MED13: variants seen among roughly 807,000 people sequenced by gnomAD.
The protein encoded by MED13 is mediator of RNA polymerase II transcription subunit 13.
MED13 carries 23 observed loss-of-function variants against 225.2 expected under a neutral mutation model. The observed-to-expected ratio is 0.10, with a 90% CI of 0.07 to 0.14. MED13 has a LOEUF of 0.14. Among genes scored for constraint, MED13 ranks in the 10% least tolerant of loss-of-function variants. The probability of loss-of-function intolerance (pLI) is 1.00; values close to 1 mark genes in which losing one functional copy is unlikely to be tolerated. For synonymous variants in MED13, 942 were observed against 889.2 expected, an observed-to-expected ratio of 1.06 and a Z score of -1.06; for missense variants, 2,197 against 2,594.5, an observed-to-expected ratio of 0.85 and a Z score of 3.33.
At chr17:62,059,705 A>C (rs1194003582) in intron 2 of MED13, among the ~76,000 whole-genome samples, 1 of 152,198 alleles carries the variant, frequency 6.6e-6, no homozygotes. Context: ...GAGGCAGACT[A>C]ATTACCCCAA....
chr17:62,052,428 A>T, intron 3 of MED13, 109 bp downstream of exon 3: 1 of 762,204 alleles, frequency 1.3e-6, no homozygotes, highest in Admixed American at 3.8e-5. Flanking sequence ...GTCACTGACA[A>T]CCTCTGGAAT....
chr17:61,983,167 AG>A lies in MED13; in HGVS notation c.2889-54del, dbSNP rs1278412529. ...AAATATATATATAAAGGAACATATT[AG>A]TAATGTGAAATACAACTAAAAACGT... On this transcript the variant is annotated intron_variant, in intron 15 of 29. Coordinates refer to ENST00000397786, the MANE Select transcript of MED13 (RefSeq NM_005121.3). 4 of 1,373,704 alleles carry A rather than the reference AG, an allele frequency of 2.9e-6. No individual in the cohort carries two copies. In the East Asian group the frequency reaches 1.0e-4, roughly 34 times the overall value. The allele number at this position is 1,373,704 out of a possible 1,614,324, so 85.1% of individuals were successfully genotyped here.
At chr17:62,049,326 T>C (rs539591630) in intron 3 of MED13, among the ~76,000 whole-genome samples, 3 of 152,208 alleles carry the variant, frequency 2.0e-5, no homozygotes, top group Non-Finnish European at 4.4e-5. Context: ...GATAGTCTAC[T>C]GATGAACTAC....
chr17:62,062,214 C>T (rs1258487940), intron 2 of MED13, among the ~76,000 whole-genome samples: 1 of 152,128 alleles, frequency 6.6e-6, no homozygotes, highest in East Asian at 1.9e-4. Context: ...GTCTTTGGAA[C>T]CTTATAGCAT....
At chr17:62,015,825 C>CTA (rs1555638985) in intron 8 of MED13, among the ~76,000 whole-genome samples, 5 of 89,280 alleles carry the variant, frequency 5.6e-5, no homozygotes, top group Middle Eastern at 6.0e-3. Flanking sequence ...TACATACACA[C>CTA]TATATATATA....
chr17:62,034,255 C>T (rs1170533736), intron 4 of MED13, among the ~76,000 whole-genome samples: 2 of 152,116 alleles, frequency 1.3e-5, no homozygotes, highest in East Asian at 3.9e-4. Context: ...GAGGCTGAGG[C>T]GGGTGGATCA....
Position 62,053,127 on chromosome 17 carries a change from G to C in MED13, c.302-422C>G, listed in dbSNP as rs113238706. 8.0e-4 allele frequency among the ~76,000 whole-genome samples: 122 copies of C among 152,218 alleles called. 5 individuals are homozygous for C. Among genetic ancestry groups the C allele is most frequent in the African/African-American group, 2.8e-3 (117 of 41,534 alleles). On this transcript the variant is annotated intron_variant, in intron 2 of 29. Transcript: ENST00000397786. ...TTCAACCTGCCAAAAAAACTAGCCA[G>C]TTAATAATTAAAGTCAAAACATTTC...
Position 61,962,963 on chromosome 17 carries a change from T to C in MED13, c.4853A>G (p.Asp1618Gly). Residue 1618 changes from aspartate (D) to glycine (G), a missense_variant, in exon 21 of 30, where the codon GAT becomes GGT. Asp to Gly is a moderately conservative substitution (Grantham distance 94, BLOSUM62 -1). Transcript: ENST00000397786. ...TGTGGGGATTCCCACTTTATCCCGA[T>C]CCATCGTGCTAAAATTTAAGGTAGA... is the stretch of plus-strand genomic sequence containing the variant. Reference protein sequence around the residue: ...PHPDVSESTMDRDKVGIPTDG... With the variant: ...PHPDVSESTMGRDKVGIPTDG... 1 of 1,613,796 alleles carries C rather than the reference T, an allele frequency of 6.2e-7. No individual in the cohort carries two copies. The highest frequency in any genetic ancestry group is 8.5e-7 in the Non-Finnish European group (1 of 1,179,942).
Position 61,953,112 on chromosome 17 carries a change from A to C in MED13, c.5970T>G (p.Asp1990Glu). 6.2e-7 allele frequency: 1 copy of C among 1,610,998 alleles called. No individual in the cohort carries two copies. Among genetic ancestry groups the C allele is most frequent in the Non-Finnish European group, 8.5e-7 (1 of 1,179,192 alleles). The change falls in exon 27 of 30, where the codon GAT becomes GAG. Residue 1990 changes from aspartate to glutamate, a missense_variant and splice_region_variant. By Grantham distance (45) the Asp-to-Glu change is conservative (BLOSUM62 2). Around this residue, in one of 12 missense-constraint regions of MED13, gnomAD observed 216 missense variants for 388.9 expected, o/e 0.56. Coordinates refer to ENST00000397786, the MANE Select transcript of MED13 (RefSeq NM_005121.3). Reference protein sequence around the residue: ...NLDLAFNPNNDGADGMGIFDL... With the variant: ...NLDLAFNPNNEGADGMGIFDL... ...CAAAGATACCCATTCCATCTGCTCC[A>C]TCTAAACAGGAGAAAGAAAAGAAAT...
Position 61,967,867 on chromosome 17 carries a change from C to T in MED13, c.4191+168G>A, listed in dbSNP as rs553103979. Among the ~76,000 whole-genome samples the T allele has an allele frequency of 2.0e-3, 306 of 152,272 alleles. 2 individuals carry two copies. Among genetic ancestry groups the T allele is most frequent in the Non-Finnish European group, 3.7e-3 (250 of 68,006 alleles). On this transcript the variant is annotated intron_variant, in intron 18 of 29. Transcript: ENST00000397786. ...TCTGACCCACGGCATACACATCTAA[C>T]AGACTGGGTCAAACTCAGCAAAGAA...
At chr17:61,960,639 A>G (rs2143339883) in intron 23 of MED13, among the ~76,000 whole-genome samples, 1 of 152,332 alleles carries the variant, frequency 6.6e-6, no homozygotes, top group African/African-American at 2.4e-5. Context: ...CACAGAAGTT[A>G]GTGACCTTAA....
intron 9 of MED13, among the ~76,000 whole-genome samples, chr17:62,008,914 GA>G (rs1387610073): frequency 1.3e-5 from 2 of 151,578 alleles, no homozygotes; most frequent in African/African-American, 4.8e-5. Context: ...CTGATGTTGA[GA>G]AAAAAAGCTA....
Position 61,955,966 on chromosome 17 carries a change from T to TTCCTCCAACACGAGTCA in MED13, c.5624-145_5624-129dup, listed in dbSNP as rs2079940577. ...AGTTAATGGCTTTTAAATTAGTGTA[T>TTCCTCCAACACGAGTCA]TCCTCCAACACGAGTCATCATCAAG... On this transcript the variant is annotated intron_variant, in intron 24 of 29. Coordinates refer to ENST00000397786, the MANE Select transcript of MED13 (RefSeq NM_005121.3). The TTCCTCCAACACGAGTCA allele has an allele frequency of 5.2e-6, 7 of 1,336,380 alleles. No homozygotes were observed. In the South Asian group the frequency reaches 1.2e-4, roughly 22 times the overall value. 82.8% of individuals were successfully genotyped at this position (1,336,380 alleles called of 1,614,324 possible). A position where few individuals can be genotyped will look rare whatever the true frequency, so the allele number is the denominator to read the frequency against.
chr17:62,047,760 A>AAG (rs375543531), intron 3 of MED13, among the ~76,000 whole-genome samples: 208 of 149,840 alleles, frequency 1.4e-3, no homozygotes, highest in African/African-American at 3.8e-3. Flanking sequence ...ATCATTAAAA[A>AAG]AGAGAGAGAG....
chr17:61,961,434 C>A (rs764955490), intron 22 of MED13, among the ~76,000 whole-genome samples, 154 bp downstream of exon 22: 1 of 148,278 alleles, frequency 6.7e-6, no homozygotes, highest in Non-Finnish European at 1.5e-5. Flanking sequence ...GCAGGAGAAT[C>A]GCTTGAACCC....
intron 23 of MED13, among the ~76,000 whole-genome samples, chr17:61,959,068 A>G (rs2079974844): frequency 6.6e-6 from 1 of 151,970 alleles, no homozygotes; most frequent in Non-Finnish European, 1.5e-5. Context: ...CAATAGCACA[A>G]TCTCGGCTCA....
chr17:61,978,340 C>T (rs113330750), intron 16 of MED13, among the ~76,000 whole-genome samples: 48 of 152,206 alleles, frequency 3.2e-4, no homozygotes, highest in African/African-American at 1.1e-3. Flanking sequence ...CAATATCCAC[C>T]TCATGGGGTC....
chr17:62,010,859 G>A lies in MED13; in HGVS notation c.1658C>T (p.Ser553Leu), dbSNP rs182448977. The part of the protein sequence containing the change: ...VVDEGVTKTP[S>L]TPQSQHFYQM... Reference sequence around the variant, plus strand: ...ATAAAAATGTTGACTCTGAGGAGTTGAAGGTGTTTTAGTCACTCCTTCATC... The same window carrying A: ...ATAAAAATGTTGACTCTGAGGAGTTAAAGGTGTTTTAGTCACTCCTTCATC... Residue 553 changes from serine to leucine, a missense_variant, in exon 9 of 30, where the codon TCA becomes TTA. Coordinates refer to ENST00000397786, the MANE Select transcript of MED13 (RefSeq NM_005121.3). 2.0e-4 allele frequency: 329 copies of A among 1,614,256 alleles called. 2 individuals are homozygous for A. The African/African-American group carries it at 3.8e-3, about 18-fold the overall frequency.
intron 11 of MED13, among the ~76,000 whole-genome samples, chr17:61,990,098 CAGA>C (rs2080282177): frequency 6.6e-6 from 1 of 152,130 alleles, no homozygotes; most frequent in African/African-American, 2.4e-5. Context: ...AAACACACAC[CAGA>C]AGATGACTTA....
Sources: gnomAD v4.1 joint callset for allele counts (sites outside exome capture counted in the v4.1 genomes callset) on GRCh38, gnomAD v4.1.1 for gene constraint, gnomAD v4.1.1 regional missense constraint, MANE v1.5 for transcripts, NCBI Gene and HGNC (gene_info 2026-07-23, HGNC 2026-07-21) for gene names.